ARHGAP8: variants seen among roughly 807,000 people sequenced by gnomAD.
ARHGAP8 encodes Rho GTPase activating protein 8.
ARHGAP8 carries 62 observed loss-of-function variants against 46.1 expected under a neutral mutation model. That is an observed-to-expected ratio of 1.34 (90% CI 1.10 to 1.66). ARHGAP8 has a LOEUF of 1.66. ARHGAP8 is among the 40% of genes most tolerant of loss of function. The pLI is 0.00. For synonymous variants in ARHGAP8, 375 were observed against 243.1 expected (o/e 1.54, Z -5.05); for missense variants, 923 against 568.4 (o/e 1.62, Z -6.34).
Position 44,860,048 on chromosome 22 carries a change from G to A in ARHGAP8, c.981+214G>A, listed in dbSNP as rs529274601. Among the ~76,000 whole-genome samples, 148 of 152,166 alleles carry A rather than the reference G, an allele frequency of 9.7e-4. 1 individual carries two copies. The highest frequency in any genetic ancestry group is 3.6e-3 in the African/African-American group (148 of 41,520). Reference sequence around the variant, plus strand: ...CCTGCCTGTCAGACAGGGCGTACCTGCCCCTGCCTGCTCCTGTACCTGCTG... The same window carrying A: ...CCTGCCTGTCAGACAGGGCGTACCTACCCCTGCCTGCTCCTGTACCTGCTG... On this transcript the variant is annotated intron_variant, in intron 11 of 11. Coordinates refer to ENST00000356099, the MANE Select transcript of ARHGAP8 (RefSeq NM_181335.3).
Position 44,836,602 on chromosome 22 carries a change from C to T in ARHGAP8, c.597-8667C>T, listed in dbSNP as rs1315655005. Among the ~76,000 whole-genome samples the T allele has an allele frequency of 2.6e-5, 4 of 151,340 alleles. No individual in the cohort carries two copies. In the East Asian group the frequency reaches 7.8e-4, roughly 29 times the overall value. On this transcript the variant is annotated intron_variant, in intron 7 of 11. Transcript: ENST00000356099. ...GCACAGTGGTCACTGTGATCGTTCA[C>T]ATGCACTGCCCATTTCTCTGGGCAT...
intron 1 of ARHGAP8, among the ~76,000 whole-genome samples, chr22:44,773,826 A>C (rs1320592330): frequency 1.3e-5 from 2 of 152,022 alleles, no homozygotes; most frequent in East Asian, 1.9e-4. Context: ...CAAGTGATCC[A>C]CCTGCTTTGG....
chr22:44,853,039 T>G (rs2070135739), intron 10 of ARHGAP8, among the ~76,000 whole-genome samples: 1 of 152,212 alleles, frequency 6.6e-6, no homozygotes, highest in East Asian at 1.9e-4. Flanking sequence ...CCTGACCTTG[T>G]GATCCGCCCA....
intron 5 of ARHGAP8, among the ~76,000 whole-genome samples, chr22:44,818,464 A>T (rs1301306288): frequency 1.3e-5 from 2 of 151,462 alleles, no homozygotes; most frequent in African/African-American, 2.4e-5. Flanking sequence ...AAAAAAAAAA[A>T]TTCACCTGCT....
intron 11 of ARHGAP8, among the ~76,000 whole-genome samples, chr22:44,861,976 A>T (rs889357511): frequency 2.0e-5 from 3 of 152,118 alleles, no homozygotes; most frequent in Admixed American, 6.5e-5. Flanking sequence ...CCCATCCCCA[A>T]GATTGCATCT....
rs535209222 is a variant in ARHGAP8 at position 44,860,172 on chromosome 22, C to T, written c.981+338C>T. Among the ~76,000 whole-genome samples the T allele has an allele frequency of 5.3e-5, 8 of 152,210 alleles. No homozygotes were observed. In the South Asian group the frequency reaches 1.7e-3, roughly 32 times the overall value. On this transcript the variant is annotated intron_variant, in intron 11 of 11. Coordinates refer to ENST00000356099, the MANE Select transcript of ARHGAP8 (RefSeq NM_181335.3). ...CTCTAGGAGGTGGGAGCTGTGTCCA[C>T]CACTGGTACAGAGCCCAGTGGACTG...
intron 1 of ARHGAP8, among the ~76,000 whole-genome samples, chr22:44,771,242 A>T (rs1294586587): frequency 2.8e-5 from 3 of 108,322 alleles, no homozygotes; most frequent in East Asian, 2.8e-4. Flanking sequence ...TTGCAAGTAA[A>T]TTTTTTTTTT....
chr22:44,803,651 A>C (rs1192476223), intron 3 of ARHGAP8, among the ~76,000 whole-genome samples: 3 of 28,194 alleles, frequency 1.1e-4, no homozygotes, highest in Non-Finnish European at 1.4e-4. Flanking sequence ...CCATGCACAC[A>C]CCCCCTCCCA....
chr22:44,828,595 G>A (rs1320925935), intron 7 of ARHGAP8, among the ~76,000 whole-genome samples: 6 of 151,504 alleles, frequency 4.0e-5, no homozygotes, highest in South Asian at 2.1e-4. Context: ...GACTATAGGC[G>A]TGCGCCACCA....
intron 1 of ARHGAP8, among the ~76,000 whole-genome samples, chr22:44,776,448 G>A (rs1334859662): frequency 4.1e-5 from 4 of 98,014 alleles, no homozygotes; most frequent in African/African-American, 1.8e-4. Context: ...GTGAAACTCC[G>A]TCTCAAAAAA....
intron 3 of ARHGAP8, 50 bp from the exon 4 acceptor site, chr22:44,808,257 C>A: frequency 6.3e-7 from 1 of 1,585,160 alleles, no homozygotes; most frequent in Non-Finnish European, 8.6e-7. Context: ...CGTTTGGTTT[C>A]AATAATGAGT....
At chr22:44,813,354 T>A (rs1929478360) in intron 4 of ARHGAP8, among the ~76,000 whole-genome samples, 1 of 149,342 alleles carries the variant, frequency 6.7e-6, no homozygotes, top group East Asian at 2.0e-4. Context: ...TACATACACT[T>A]ACACACACCT....
intron 5 of ARHGAP8, among the ~76,000 whole-genome samples, chr22:44,821,061 CAT>C (rs1043565661): frequency 5.9e-5 from 9 of 152,060 alleles, no homozygotes; most frequent in Non-Finnish European, 1.0e-4. Context: ...CATAAAATAA[CAT>C]AAAATATCTT....
At chr22:44,811,782 G>A (rs951151272) in intron 4 of ARHGAP8, among the ~76,000 whole-genome samples, 1 of 152,074 alleles carries the variant, frequency 6.6e-6, no homozygotes, top group East Asian at 1.9e-4. Flanking sequence ...AGTCATTTGA[G>A]GTCAGGATTT....
chr22:44,798,196 G>A (rs762061382), intron 2 of ARHGAP8, among the ~76,000 whole-genome samples: 6 of 151,296 alleles, frequency 4.0e-5, no homozygotes, highest in Non-Finnish European at 7.4e-5. Context: ...GGCTGGTCTC[G>A]AACTCCTCAC....
At position 44,859,202 on chromosome 22, in the gene ARHGAP8, G is replaced by C. The variant is rs150779523; in HGVS notation, c.878-529G>C. Among the ~76,000 whole-genome samples, 353 of 152,234 alleles carry C rather than the reference G, an allele frequency of 2.3e-3. 1 individual carries two copies. Among genetic ancestry groups the C allele is most frequent in the African/African-American group, 7.9e-3 (330 of 41,538 alleles). On this transcript the variant is annotated intron_variant, in intron 10 of 11. Transcript: ENST00000356099. ...TCAGGTGATGATAGGGCTTGGATCT[G>C]AGTCCCCAGCGCGTCTCATGTTGAA...
At chr22:44,823,187 G>A (rs1366085081) in intron 6 of ARHGAP8, among the ~76,000 whole-genome samples, 2 of 152,190 alleles carry the variant, frequency 1.3e-5, no homozygotes, top group Non-Finnish European at 2.9e-5. Context: ...GGATATAGAG[G>A]TGTTTAGGGA....
At chr22:44,776,462 G>GA (rs529560343) in intron 1 of ARHGAP8, among the ~76,000 whole-genome samples, 5 of 133,476 alleles carry the variant, frequency 3.7e-5, no homozygotes, top group African/African-American at 8.8e-5. Context: ...CAAAAAAAAA[G>GA]AAAAAAAAAA....
At chr22:44,759,348 A>G (rs1486833453) in intron 1 of ARHGAP8, among the ~76,000 whole-genome samples, 1 of 152,200 alleles carries the variant, frequency 6.6e-6, no homozygotes, top group Non-Finnish European at 1.5e-5. Context: ...GGGGGCTGCC[A>G]GAGCCCACAG....
Sources: allele counts gnomAD v4.1 joint callset (sites outside exome capture counted in the v4.1 genomes callset), GRCh38; gene constraint gnomAD v4.1.1; transcripts MANE v1.5; gene names NCBI Gene and HGNC (gene_info 2026-07-23, HGNC 2026-07-21).